CYFIP1: variants seen among roughly 807,000 people sequenced by gnomAD.
CYFIP1 encodes cytoplasmic FMR1 interacting protein 1, also known as cytoplasmic FMR1-interacting protein 1.
Under a neutral mutation model 163.5 loss-of-function variants are expected in CYFIP1, and 58 were observed. That is an observed-to-expected ratio of 0.35 (90% CI 0.29 to 0.44). The LOEUF is 0.44. Ranked by LOEUF, CYFIP1 falls within the 20% of genes least tolerant of loss-of-function variation. CYFIP1 has a pLI of 1.00. For missense variants in CYFIP1, 1,338 were observed against 1,653.8 expected, an observed-to-expected ratio of 0.81 and a Z score of 3.31; for synonymous variants, 663 against 660.7, an observed-to-expected ratio of 1.00 and a Z score of -0.05.
chr15:22,880,890 T>G (rs2059742383), intron 25 of CYFIP1, among the ~76,000 whole-genome samples: 1 of 152,188 alleles, frequency 6.6e-6, no homozygotes, highest in Admixed American at 6.5e-5. Flanking sequence ...CCCAGCAAGC[T>G]TTCCCTGTAC....
Position 22,934,485 on chromosome 15 carries a change from C to CTTTT in CYFIP1, c.901-596_901-593dup, listed in dbSNP as rs35881374. ...CAGGCGTGAACCACCGCACCCAGCC[C>CTTTT]TTTTTTTTTTTTTTTTTTTTTTTTT... On this transcript the variant is annotated intron_variant, in intron 9 of 30. Coordinates refer to ENST00000617928, the MANE Select transcript of CYFIP1 (RefSeq NM_014608.6). 4.2e-4 allele frequency among the ~76,000 whole-genome samples: 21 copies of CTTTT among 49,840 alleles called. 2 individuals carry two copies. The highest frequency in any genetic ancestry group is 1.5e-3 in the African/African-American group (18 of 12,280). The allele number at this position is 49,840 out of a possible 152,430, so 32.7% of individuals were successfully genotyped here.
intron 21 of CYFIP1, 88 bp downstream of exon 21, chr15:22,909,106 C>T (rs1484961380): frequency 5.2e-6 from 8 of 1,551,148 alleles, no homozygotes; most frequent in Non-Finnish European, 7.1e-6. Flanking sequence ...TAGGCCACGC[C>T]CGATGAGTGC....
At chr15:22,950,534 G>A (rs780657260) in intron 1 of CYFIP1, among the ~76,000 whole-genome samples, 6 of 152,198 alleles carry the variant, frequency 3.9e-5, no homozygotes, top group Non-Finnish European at 8.8e-5. Flanking sequence ...AGCCACCCCC[G>A]AATCTCAGTT....
chr15:22,895,017 T>A (rs1566938757), intron 22 of CYFIP1, among the ~76,000 whole-genome samples: 1 of 131,254 alleles, frequency 7.6e-6, no homozygotes, highest in East Asian at 2.1e-4. Flanking sequence ...GCCTGGCTAA[T>A]TTTTTTTTTT....
At chr15:22,906,687 G>A (rs12441517) in intron 21 of CYFIP1, among the ~76,000 whole-genome samples, 27,252 of 151,592 alleles carry the variant, frequency 0.18, 2,512 homozygotes, top group East Asian at 0.25. Context: ...GGATGGTCTC[G>A]ATCTCCTGAC....
intron 9 of CYFIP1, among the ~76,000 whole-genome samples, chr15:22,936,365 G>GA (rs2061710385): frequency 6.6e-6 from 1 of 152,196 alleles, no homozygotes; most frequent in African/African-American, 2.4e-5. Flanking sequence ...GGCACATCAC[G>GA]AAGGGAACAC....
intron 21 of CYFIP1, among the ~76,000 whole-genome samples, chr15:22,906,193 G>T (rs2060573842): frequency 6.6e-6 from 1 of 150,978 alleles, no homozygotes; most frequent in Admixed American, 6.6e-5. Context: ...TGCAACCTCT[G>T]CCTCCTGGGT....
chr15:22,910,957 T>C, intron 18 of CYFIP1, 144 bp from the exon 19 acceptor site: 2 of 712,608 alleles, frequency 2.8e-6, no homozygotes, highest in Non-Finnish European at 4.8e-6. Context: ...TTGCCCAGGC[T>C]GGAGCGCAGT....
Position 22,867,366 on chromosome 15 carries a change from T to C in CYFIP1, c.*2662A>G, listed in dbSNP as rs1372547361. 2.5e-6 allele frequency: 1 copy of C among 393,258 alleles called. No individual in the cohort carries two copies. The highest frequency in any genetic ancestry group is 2.1e-5 in the African/African-American group (1 of 48,520). 24.4% of individuals were successfully genotyped at this position (393,258 alleles called of 1,614,324 possible). On this transcript the variant is annotated 3_prime_UTR_variant, in exon 31 of 31. Transcript: ENST00000617928. ...ATTAAGGGAAAACTAAGTTACTGAA[T>C]GAAGGAACCTCTTTCTTACAAAACA...
chr15:22,976,456 A>G (rs1240038917), intron 1 of CYFIP1, among the ~76,000 whole-genome samples: 2 of 152,094 alleles, frequency 1.3e-5, no homozygotes, highest in East Asian at 3.9e-4. Flanking sequence ...ACGCCCAGCC[A>G]AATTTAACTT....
chr15:22,966,040 C>T (rs980755244), intron 1 of CYFIP1, among the ~76,000 whole-genome samples: 3 of 152,046 alleles, frequency 2.0e-5, no homozygotes, highest in African/African-American at 7.2e-5. Context: ...TCCAATAGGA[C>T]TGGGTCCTTA....
At chr15:22,957,623 A>C (rs190126101) in intron 1 of CYFIP1, among the ~76,000 whole-genome samples, 2 of 152,174 alleles carry the variant, frequency 1.3e-5, no homozygotes, top group Non-Finnish European at 2.9e-5. Flanking sequence ...GCGACAGAGC[A>C]AGACTCCATC....
intron 24 of CYFIP1, 94 bp downstream of exon 24, chr15:22,882,774 T>C: frequency 1.4e-6 from 2 of 1,424,604 alleles, no homozygotes; most frequent in African/African-American, 1.4e-5. Context: ...ATCCAGCTGT[T>C]GGAGAATCAC....
chr15:22,957,075 C>T (rs955353824), intron 1 of CYFIP1, among the ~76,000 whole-genome samples: 4 of 152,366 alleles, frequency 2.6e-5, no homozygotes, highest in East Asian at 1.9e-4. Context: ...GTCGGTGCCA[C>T]GCAGGCGGCA....
upstream of CYFIP1, among the ~76,000 whole-genome samples, chr15:22,980,698 C>A (rs1415279572): frequency 6.6e-6 from 1 of 151,974 alleles, no homozygotes; most frequent in East Asian, 1.9e-4. Context: ...CGGGGCTCCA[C>A]CGGGTCAGGG....
intron 1 of CYFIP1, among the ~76,000 whole-genome samples, chr15:22,968,521 G>A (rs1036118479): frequency 1.3e-5 from 2 of 152,150 alleles, no homozygotes; most frequent in African/African-American, 2.4e-5. Flanking sequence ...CTACAATTGT[G>A]AGTCAGATCC....
At chr15:22,974,880 C>CG (rs2063213602) in intron 1 of CYFIP1, among the ~76,000 whole-genome samples, 1 of 151,872 alleles carries the variant, frequency 6.6e-6, no homozygotes, top group African/African-American at 2.4e-5. Context: ...AAAAGTTACA[C>CG]GGTGTATGCC....
chr15:22,947,447 GTC>G, intron 1 of CYFIP1, 156 bp from the exon 2 acceptor site: 1 of 1,020,896 alleles, frequency 9.8e-7, no homozygotes, highest in Non-Finnish European at 1.4e-6. Context: ...GGAGTTGCGT[GTC>G]TCTCTCAGGG....
chr15:22,942,121 T>C (rs938469451), intron 6 of CYFIP1, among the ~76,000 whole-genome samples: 31 of 152,286 alleles, frequency 2.0e-4, no homozygotes, highest in Non-Finnish European at 1.3e-4. Flanking sequence ...TGATTTTAGG[T>C]GATAAATGGA....
Sources: gnomAD v4.1 joint callset for allele counts (sites outside exome capture counted in the v4.1 genomes callset) on GRCh38, gnomAD v4.1.1 for gene constraint, MANE v1.5 for transcripts, NCBI Gene and HGNC (gene_info 2026-07-23, HGNC 2026-07-21) for gene names.